Variants in KDM5A observed in about 807,000 individuals in gnomAD.
KDM5A encodes lysine-specific demethylase 5A.
In KDM5A, 42 loss-of-function variants were observed where a neutral mutation model predicts 193.5. The ratio of observed to expected loss-of-function variants is 0.22; its 90% CI spans 0.17 to 0.28. The LOEUF (loss-of-function observed/expected upper bound fraction) is 0.28. Ranked by LOEUF, KDM5A falls within the 10% of genes least tolerant of loss-of-function variation. KDM5A has a pLI of 1.00. For synonymous variants in KDM5A, 796 were observed against 718.1 expected (o/e 1.11, Z -1.73); for missense variants, 1,692 against 2,055.1 (o/e 0.82, Z 3.42).
In KDM5A at chr12:307,425, T is replaced by C; in HGVS notation, c.3930+29A>G. On this transcript the variant is annotated intron_variant, in intron 23 of 27. Transcript: ENST00000399788. This position sits in a 1 kb window ranked among gnomAD's most constrained non-coding sequence, Gnocchi z 4.3. ...TTATACACTGACATATCCCATGAAA[T>C]AGAAAAAGAATGTAAATCCTAAACT... is the stretch of plus-strand genomic sequence containing the variant. 6.2e-7 allele frequency: 1 copy of C among 1,605,026 alleles called. No individual in the cohort carries two copies. Among genetic ancestry groups the C allele is most frequent in the Non-Finnish European group, 8.5e-7 (1 of 1,173,404 alleles).
At chr12:381,499 G>A (rs1307905270) in intron 3 of KDM5A, among the ~76,000 whole-genome samples, 1 of 152,170 alleles carries the variant, frequency 6.6e-6, no homozygotes, top group South Asian at 2.1e-4. Context: ...AAACTTAGTA[G>A]GTAAGTTTTG....
At chr12:359,002 A>AT (rs1424343310) in intron 5 of KDM5A, among the ~76,000 whole-genome samples, 2 of 151,542 alleles carry the variant, frequency 1.3e-5, no homozygotes, top group East Asian at 1.9e-4. Flanking sequence ...AAAATAAAAA[A>AT]AAACAATAAA....
rs1943178576 is a variant in KDM5A at position 283,364 on chromosome 12, A to T, written c.*2092T>A. 1 of 232,626 alleles carries T rather than the reference A, an allele frequency of 4.3e-6. No homozygotes were observed. Among genetic ancestry groups the T allele is most frequent in the Admixed American group, 5.6e-5 (1 of 17,764 alleles). 14.4% of individuals were successfully genotyped at this position (232,626 alleles called of 1,614,324 possible). On this transcript the variant is annotated 3_prime_UTR_variant, in exon 28 of 28. Coordinates refer to ENST00000399788, the MANE Select transcript of KDM5A (RefSeq NM_001042603.3). ...ATTAGTTACCTTGCAATATCCATTG[A>T]AATCTTCGATCATACACAAACTTAC...
At position 293,788 on chromosome 12, in the gene KDM5A, AGGG is replaced by A. The variant is rs34107168; in HGVS notation, c.4456-622_4456-620del. On this transcript the variant is annotated intron_variant, in intron 26 of 27. Transcript: ENST00000399788. ...AGCAAGACTCCATCTCAAAAAAAAA[AGGG>A]GGGGGGGGGGATTTATGTTATTCTA... is the stretch of plus-strand genomic sequence containing the variant. Among the ~76,000 whole-genome samples, 1,916 of 82,898 alleles carry A rather than the reference AGGG, an allele frequency of 0.023. 117 individuals are homozygous for A. In the South Asian group the frequency reaches 0.25, roughly 11 times the overall value. The allele number at this position is 82,898 out of a possible 152,430, so 54.4% of individuals were successfully genotyped here. A position where few individuals can be genotyped will look rare whatever the true frequency, so the allele number is the denominator to read the frequency against.
chr12:332,899 T>C (rs987521782), intron 12 of KDM5A, among the ~76,000 whole-genome samples: 15 of 152,306 alleles, frequency 9.8e-5, no homozygotes, highest in African/African-American at 3.4e-4. Flanking sequence ...ATGAGATTTT[T>C]GTTCAAAGTA....
intron 24 of KDM5A, among the ~76,000 whole-genome samples, chr12:298,704 T>G (rs1415452708): frequency 6.6e-6 from 1 of 152,130 alleles, no homozygotes; most frequent in African/African-American, 2.4e-5. Flanking sequence ...ATGAGTTTGA[T>G]GAATTGACAG....
chr12:372,322 G>GT, intron 3 of KDM5A, among the ~76,000 whole-genome samples: 1 of 152,170 alleles, frequency 6.6e-6, no homozygotes, highest in African/African-American at 2.4e-5. Flanking sequence ...CACATCCCTT[G>GT]TAAGTTGGAT....
chr12:302,529 A>T (rs1325933235), intron 24 of KDM5A, among the ~76,000 whole-genome samples: 1 of 152,250 alleles, frequency 6.6e-6, no homozygotes, highest in Admixed American at 6.5e-5. Context: ...CTCAAGATGG[A>T]TTAAAGACTT....
At chr12:289,332 TCA>T (rs1943259014) in intron 27 of KDM5A, among the ~76,000 whole-genome samples, 1 of 152,128 alleles carries the variant, frequency 6.6e-6, no homozygotes, top group Non-Finnish European at 1.5e-5. Context: ...AATAAAGAGT[TCA>T]GAGACAAAAA....
intron 10 of KDM5A, among the ~76,000 whole-genome samples, chr12:342,786 A>C (rs558551580): frequency 1.8e-4 from 27 of 152,062 alleles, no homozygotes; most frequent in African/African-American, 5.5e-4. Flanking sequence ...AAAAAAAAAA[A>C]AAAAAAACCT....
rs750918968 is a variant in KDM5A at position 289,907 on chromosome 12, C to CTTTTTTTTTTTTTT, written c.4866+2838_4866+2851dup. ...AAAAAGCATGATTTTTTCTTTCTTTCTTTTTTTTTTTTTTTTTTTTTTTAC... is the reference window on the plus strand; with the variant it reads ...AAAAAGCATGATTTTTTCTTTCTTTCTTTTTTTTTTTTTTTTTTTTTTTTTTTTTTTTTTTTTAC... On this transcript the variant is annotated intron_variant, in intron 27 of 27. Coordinates refer to ENST00000399788, the MANE Select transcript of KDM5A (RefSeq NM_001042603.3). Among the ~76,000 whole-genome samples, 8 of 99,640 alleles carry CTTTTTTTTTTTTTT rather than the reference C, an allele frequency of 8.0e-5. 1 individual carries two copies. The highest frequency in any genetic ancestry group is 2.3e-4 in the Admixed American group (2 of 8,850). The allele number at this position is 99,640 out of a possible 152,430, so 65.4% of individuals were successfully genotyped here.
At position 387,216 on chromosome 12, in the gene KDM5A, G is replaced by A. The variant is rs143973548; in HGVS notation, c.166-1242C>T. The A allele has an allele frequency of 8.4e-4, 305 of 362,364 alleles. 1 individual carries two copies. The highest frequency in any genetic ancestry group is 3.6e-3 in the East Asian group (37 of 10,346). 22.4% of individuals were successfully genotyped at this position (362,364 alleles called of 1,614,324 possible). A position where few individuals can be genotyped will look rare whatever the true frequency, so the allele number is the denominator to read the frequency against. On this transcript the variant is annotated intron_variant, in intron 1 of 27. Coordinates refer to ENST00000399788, the MANE Select transcript of KDM5A (RefSeq NM_001042603.3). ...AATAACAGTAAACCTATTTTAAAAC[G>A]TTGAGTAGTCAAAAAAAAAAAAAAG...
At chr12:338,348 A>G (rs879077407) in intron 10 of KDM5A, among the ~76,000 whole-genome samples, 1 of 152,204 alleles carries the variant, frequency 6.6e-6, no homozygotes, top group South Asian at 2.1e-4. Flanking sequence ...AGGCCCCAAT[A>G]ACAGCCTTCG....
At chr12:369,475 T>C (rs887856895) in intron 3 of KDM5A, among the ~76,000 whole-genome samples, 17 of 152,100 alleles carry the variant, frequency 1.1e-4, no homozygotes, top group Non-Finnish European at 1.8e-4. Context: ...ATGAACATAA[T>C]ATATAAATTT....
chr12:352,098 C>T (rs542782883), intron 9 of KDM5A, 107 bp downstream of exon 9: 12 of 917,688 alleles, frequency 1.3e-5, no homozygotes, highest in East Asian at 1.1e-4. Context: ...AGCAAGACTC[C>T]GTCTCAAAAA....
At chr12:368,896 G>C (rs1162779525) in intron 3 of KDM5A, among the ~76,000 whole-genome samples, 1 of 152,176 alleles carries the variant, frequency 6.6e-6, no homozygotes, top group African/African-American at 2.4e-5. Flanking sequence ...CCAGGATAAA[G>C]TACTATACCA....
intron 10 of KDM5A, among the ~76,000 whole-genome samples, chr12:347,330 T>C (rs1177535353): frequency 6.6e-6 from 1 of 152,158 alleles, no homozygotes; most frequent in East Asian, 1.9e-4. Flanking sequence ...AAAATGGCCA[T>C]ATTGCCCAAA....
rs569598237 is a variant in KDM5A, at chr12:389,093, G to T, written c.-2C>A. On this transcript the variant is annotated 5_prime_UTR_variant, in exon 1 of 28. Transcript: ENST00000399788. ...GCCCCCCGGCCCCACGCCCGCCATT[G>T]CAACGGCCGGGGGGGGGGGGGGGTC... 10 of 1,237,750 alleles carry T rather than the reference G, an allele frequency of 8.1e-6. No individual in the cohort carries two copies. In the South Asian group the frequency reaches 1.2e-4, roughly 15 times the overall value. The allele number at this position is 1,237,750 out of a possible 1,614,324, so 76.7% of individuals were successfully genotyped here. A position where few individuals can be genotyped will look rare whatever the true frequency, so the allele number is the denominator to read the frequency against.
chr12:345,624 G>A (rs754655280), intron 10 of KDM5A, among the ~76,000 whole-genome samples: 24 of 152,214 alleles, frequency 1.6e-4, no homozygotes, highest in South Asian at 1.5e-3. Flanking sequence ...AATCAAAACC[G>A]CACAACTACA....
Sources: allele counts gnomAD v4.1 joint callset (sites outside exome capture counted in the v4.1 genomes callset), GRCh38; gene constraint gnomAD v4.1.1; non-coding constraint Gnocchi (gnomAD v3.1); transcripts MANE v1.5; gene names NCBI Gene and HGNC (gene_info 2026-07-23, HGNC 2026-07-21).